GRID2: variants seen among roughly 807,000 people sequenced by gnomAD.
GRID2 encodes glutamate receptor ionotropic, delta-2.
A neutral mutation model predicts 114.8 loss-of-function variants in GRID2; 33 were observed. The observed-to-expected ratio is 0.29, with a 90% CI of 0.22 to 0.38. The LOEUF (loss-of-function observed/expected upper bound fraction) is 0.38. Ranked by LOEUF, GRID2 falls within the 10% of genes least tolerant of loss-of-function variation. The probability of loss-of-function intolerance (pLI) is 1.00; values close to 1 mark genes in which losing one functional copy is unlikely to be tolerated. For missense variants in GRID2, 1,184 were observed against 1,257.7 expected (o/e 0.94, Z 0.89); for synonymous variants, 505 against 449.9 (o/e 1.12, Z -1.55).
chr4:92,646,040 A>G (rs1731600884), intron 2 of GRID2, among the ~76,000 whole-genome samples: 1 of 151,800 alleles, frequency 6.6e-6, no homozygotes, highest in South Asian at 2.1e-4. Context: ...TCTTGATTGC[A>G]CTGTTTTAGA....
intron 2 of GRID2, among the ~76,000 whole-genome samples, chr4:92,729,198 A>G (rs971850918): frequency 2.6e-5 from 4 of 152,038 alleles, no homozygotes; most frequent in Non-Finnish European, 5.9e-5. Flanking sequence ...TTTGACCTCC[A>G]GAAATAAAAG....
intron 2 of GRID2, among the ~76,000 whole-genome samples, chr4:92,844,644 G>T (rs1234617548): frequency 1.4e-5 from 2 of 146,310 alleles, no homozygotes; most frequent in African/African-American, 5.0e-5. Context: ...CATAGCAAAT[G>T]ATGAAAATTT....
At chr4:93,431,319 A>C (rs1769384819) in intron 10 of GRID2, among the ~76,000 whole-genome samples, 1 of 152,182 alleles carries the variant, frequency 6.6e-6, no homozygotes, top group African/African-American at 2.4e-5. Flanking sequence ...TCATGAAAGT[A>C]CATCAGATTG....
intron 8 of GRID2, among the ~76,000 whole-genome samples, chr4:93,264,774 A>AT (rs1750633701): frequency 7.2e-6 from 1 of 138,646 alleles, no homozygotes; most frequent in East Asian, 2.0e-4. Flanking sequence ...ATATATATAT[A>AT]AATATATATA....
At chr4:93,319,632 T>C (rs1757017811) in intron 8 of GRID2, 1 of 152,016 alleles carries the variant, frequency 6.6e-6, no homozygotes, top group African/African-American at 2.4e-5. Flanking sequence ...GAATTTTCTC[T>C]GACTAGTAGA....
At chr4:92,749,900 T>A (rs1392452059) in intron 2 of GRID2, among the ~76,000 whole-genome samples, 3 of 151,756 alleles carry the variant, frequency 2.0e-5, no homozygotes, top group Admixed American at 6.6e-5. Flanking sequence ...TCGCTCTTGT[T>A]GCCCAGGCTG....
At chr4:92,403,896 C>T (rs940386928) in intron 1 of GRID2, among the ~76,000 whole-genome samples, 1 of 151,906 alleles carries the variant, frequency 6.6e-6, no homozygotes, top group Non-Finnish European at 1.5e-5. Context: ...GCAGTCTGAA[C>T]ACGCATAATA....
chr4:92,712,886 G>A (rs1269457342), intron 2 of GRID2, among the ~76,000 whole-genome samples: 1 of 152,054 alleles, frequency 6.6e-6, no homozygotes, highest in Non-Finnish European at 1.5e-5. Context: ...TCTAGCTACT[G>A]TATGTAACTC....
intron 14 of GRID2, among the ~76,000 whole-genome samples, chr4:93,683,124 A>G (rs984822138): frequency 1.3e-5 from 2 of 151,806 alleles, no homozygotes; most frequent in African/African-American, 2.4e-5. Context: ...GGGGAAAAAA[A>G]GCTCTCTATT....
At chr4:92,691,283 A>G (rs4693301) in intron 2 of GRID2, among the ~76,000 whole-genome samples, 3,683 of 152,160 alleles carry the variant, frequency 0.024, 52 homozygotes, top group South Asian at 0.04. Flanking sequence ...ACATTTCTTT[A>G]TATGTAACTT....
intron 1 of GRID2, among the ~76,000 whole-genome samples, chr4:92,460,520 T>TA (rs1174524344): frequency 4.6e-5 from 7 of 152,162 alleles, no homozygotes; most frequent in East Asian, 3.8e-4. Context: ...AACTGACTCT[T>TA]ACAATTGTTA....
chr4:92,458,136 C>A (rs1258373755), intron 1 of GRID2, among the ~76,000 whole-genome samples: 1 of 151,958 alleles, frequency 6.6e-6, no homozygotes, highest in Non-Finnish European at 1.5e-5. Context: ...CTTTTTTATT[C>A]TAAAATAAGA....
In GRID2 at chr4:93,679,056, A is replaced by C. The variant is rs557025654; in HGVS notation, c.2360+52621A>C. ...CCATCACACATGCAGAGACACACATAGGCTCAAAATAAAAGGATGGAGGAA... is the reference window on the plus strand; with the variant it reads ...CCATCACACATGCAGAGACACACATCGGCTCAAAATAAAAGGATGGAGGAA... On this transcript the variant is annotated intron_variant, in intron 14 of 15. Coordinates refer to ENST00000282020, the MANE Select transcript of GRID2 (RefSeq NM_001510.4). Among the ~76,000 whole-genome samples the C allele has an allele frequency of 4.2e-3, 642 of 151,308 alleles. 15 individuals are homozygous for C. Among genetic ancestry groups the C allele is most frequent in the Middle Eastern group, 3.4e-3 (1 of 294 alleles).
chr4:92,517,587 G>T (rs1724559657), intron 1 of GRID2, among the ~76,000 whole-genome samples: 1 of 151,826 alleles, frequency 6.6e-6, no homozygotes, highest in Non-Finnish European at 1.5e-5. Context: ...TATGAACAAG[G>T]TCAGTCATAA....
chr4:93,201,560 T>G (rs1742108759), intron 4 of GRID2, among the ~76,000 whole-genome samples: 1 of 152,210 alleles, frequency 6.6e-6, no homozygotes, highest in Non-Finnish European at 1.5e-5. Context: ...GCACTGGAAC[T>G]CTCTGCGTAA....
At chr4:92,309,135 C>T (rs1456257439) in intron 1 of GRID2, among the ~76,000 whole-genome samples, 1 of 151,798 alleles carries the variant, frequency 6.6e-6, no homozygotes. Context: ...AATAAAAATC[C>T]AGGTGATTAA....
chr4:93,494,566 G>T (rs1215749999), intron 12 of GRID2, among the ~76,000 whole-genome samples: 1 of 151,766 alleles, frequency 6.6e-6, no homozygotes, highest in Non-Finnish European at 1.5e-5. Context: ...TTTTGAAAGG[G>T]AATTTTCCCT....
chr4:93,704,211 C>A (rs1727786519), intron 14 of GRID2, among the ~76,000 whole-genome samples: 1 of 152,148 alleles, frequency 6.6e-6, no homozygotes, highest in African/African-American at 2.4e-5. Flanking sequence ...GATGGTATCT[C>A]ATTGTGGTTT....
chr4:93,019,228 C>A (rs540103040), intron 2 of GRID2, among the ~76,000 whole-genome samples: 1 of 152,132 alleles, frequency 6.6e-6, no homozygotes, highest in Non-Finnish European at 1.5e-5. Flanking sequence ...CATACATGTA[C>A]ACATATACAT....
Sources: gnomAD v4.1 joint callset for allele counts (sites outside exome capture counted in the v4.1 genomes callset) on GRCh38, gnomAD v4.1.1 for gene constraint, MANE v1.5 for transcripts, NCBI Gene and HGNC (gene_info 2026-07-23, HGNC 2026-07-21) for gene names.